The following RBFOX1 variants were observed in gnomAD, a reference collection of about 807,000 sequenced individuals.
RBFOX1 encodes RNA binding protein fox-1 homolog 1.
A neutral mutation model predicts 57.7 loss-of-function variants in RBFOX1; 8 were observed. That is an observed-to-expected ratio of 0.14 (90% CI 0.08 to 0.25). RBFOX1 has a LOEUF of 0.25. Among genes scored for constraint, RBFOX1 ranks in the 10% least tolerant of loss-of-function variants. RBFOX1 has a pLI of 1.00. For synonymous variants in RBFOX1, 326 were observed against 222.4 expected, an observed-to-expected ratio of 1.47 and a Z score of -4.15; for missense variants, 611 against 548.5, an observed-to-expected ratio of 1.11 and a Z score of -1.14.
rs181807075 is a variant in RBFOX1, at chr16:5,813,561, G to A, written c.319-53742G>A. 4.2e-3 allele frequency among the ~76,000 whole-genome samples: 639 copies of A among 152,298 alleles called. 7 individuals carry two copies. Among genetic ancestry groups the A allele is most frequent in the South Asian group, 0.011 (51 of 4,824 alleles). On this transcript the variant is annotated intron_variant, in intron 3 of 19. Transcript: ENST00000641259. The stretch of plus-strand genomic sequence containing the variant: ...TCACTGCAAGAAGCCAGGCATAAAA[G>A]GTCACATATTATAAAATTCTGTTTA...
chr16:6,213,306 A>G (rs113308539), intron 1 of RBFOX1, among the ~76,000 whole-genome samples: 211 of 152,254 alleles, frequency 1.4e-3, no homozygotes, highest in African/African-American at 4.8e-3. Context: ...TTGAGGTATC[A>G]GCTCAGCTGA....
At chr16:5,374,948 A>G (rs2065947616) in intron 1 of RBFOX1, among the ~76,000 whole-genome samples, 1 of 152,044 alleles carries the variant, frequency 6.6e-6, no homozygotes, top group Non-Finnish European at 1.5e-5. Flanking sequence ...AGCCTTCTAA[A>G]GAAAATGTTT....
intron 3 of RBFOX1, among the ~76,000 whole-genome samples, chr16:6,826,928 T>C (rs2092224656): frequency 6.6e-6 from 1 of 152,172 alleles, no homozygotes; most frequent in Non-Finnish European, 1.5e-5. Context: ...GTTCCATTTT[T>C]TGTGCAAATG....
intron 4 of RBFOX1, among the ~76,000 whole-genome samples, chr16:5,932,267 G>A (rs1433443308): frequency 6.6e-6 from 1 of 152,228 alleles, no homozygotes; most frequent in Non-Finnish European, 1.5e-5. Flanking sequence ...TTTAAAGATG[G>A]AAGGGCCGTG....
chr16:6,168,654 C>A (rs960394266), intron 1 of RBFOX1, among the ~76,000 whole-genome samples: 1 of 152,108 alleles, frequency 6.6e-6, no homozygotes, highest in Non-Finnish European at 1.5e-5. Flanking sequence ...CTGATACCTG[C>A]AATACTTTGT....
At chr16:6,880,891 T>G (rs1322502541) in intron 3 of RBFOX1, among the ~76,000 whole-genome samples, 1 of 152,194 alleles carries the variant, frequency 6.6e-6, no homozygotes, top group African/African-American at 2.4e-5. Context: ...AATAAGCTAC[T>G]TGAAGCTGTT....
chr16:5,799,434 G>A (rs2054987995), intron 3 of RBFOX1, among the ~76,000 whole-genome samples: 1 of 152,250 alleles, frequency 6.6e-6, no homozygotes, highest in East Asian at 1.9e-4. Flanking sequence ...CAGATGTATG[G>A]TCCCCGAATT....
At chr16:6,831,309 T>C (rs1225955215) in intron 3 of RBFOX1, among the ~76,000 whole-genome samples, 1 of 152,184 alleles carries the variant, frequency 6.6e-6, no homozygotes, top group South Asian at 2.1e-4. Flanking sequence ...AGAAACAACT[T>C]CTTGGACTCT....
In RBFOX1 at chr16:7,701,823, A is replaced by C. The variant is rs192287406; in HGVS notation, c.996-7233A>C. 3.9e-5 allele frequency among the ~76,000 whole-genome samples: 6 copies of C among 152,338 alleles called. No homozygotes were observed. The East Asian group carries it at 5.8e-4, about 15-fold the overall frequency. The stretch of plus-strand genomic sequence containing the variant: ...AACTCAGTTGACCCTTGTAGAGTGA[A>C]AGTGAACAGGAACATTTCCTAGATA... On this transcript the variant is annotated intron_variant, in intron 14 of 15. Coordinates refer to ENST00000550418, the MANE Select transcript of RBFOX1 (RefSeq NM_018723.4).
intron 3 of RBFOX1, among the ~76,000 whole-genome samples, chr16:5,751,126 A>G (rs2053183983): frequency 6.6e-6 from 1 of 152,162 alleles, no homozygotes; most frequent in Admixed American, 6.5e-5. Context: ...TACAGGCATG[A>G]GCCATCGTGC....
At chr16:5,804,028 A>G (rs2055148421) in intron 3 of RBFOX1, among the ~76,000 whole-genome samples, 2 of 151,974 alleles carry the variant, frequency 1.3e-5, no homozygotes, top group South Asian at 2.1e-4. Flanking sequence ...TTGCCACAGT[A>G]TTAAAGATGG....
Position 5,926,992 on chromosome 16 carries a change from G to C in RBFOX1, c.351+59657G>C, listed in dbSNP as rs145495323. On this transcript the variant is annotated intron_variant, in intron 4 of 19. Transcript: ENST00000641259. ...ATCCACAGTCTTAGCCATCAAACCA[G>C]TGTCCCAAAATGTACTTTTCCACAA... Among the ~76,000 whole-genome samples, 729 of 152,254 alleles carry C rather than the reference G, an allele frequency of 4.8e-3. 16 individuals carry two copies. The highest frequency in any genetic ancestry group is 0.043 in the Admixed American group (651 of 15,288).
chr16:7,333,078 G>C (rs750293427), intron 4 of RBFOX1: 1 of 1,613,732 alleles, frequency 6.2e-7, no homozygotes, highest in South Asian at 1.1e-5. Context: ...TACCTTCCTG[G>C]ACTGATTCAG....
chr16:5,963,296 A>G (rs1044783560), intron 4 of RBFOX1, among the ~76,000 whole-genome samples: 1 of 152,178 alleles, frequency 6.6e-6, no homozygotes. Context: ...GAGCTGGTCC[A>G]AGGTGATAGA....
chr16:6,415,112 A>T (rs2093584754), intron 2 of RBFOX1, among the ~76,000 whole-genome samples: 1 of 151,274 alleles, frequency 6.6e-6, no homozygotes, highest in Non-Finnish European at 1.5e-5. Flanking sequence ...GCGTGGTGGC[A>T]TGTGTCTGTA....
At chr16:5,836,488 CCTT>C (rs1430013428) in intron 3 of RBFOX1, among the ~76,000 whole-genome samples, 5 of 152,190 alleles carry the variant, frequency 3.3e-5, no homozygotes, top group African/African-American at 1.2e-4. Context: ...CCATGACCCA[CCTT>C]CTTCTTTAGG....
At chr16:7,278,875 T>G (rs954224361) in intron 4 of RBFOX1, among the ~76,000 whole-genome samples, 1 of 152,196 alleles carries the variant, frequency 6.6e-6, no homozygotes, top group Non-Finnish European at 1.5e-5. Flanking sequence ...TAAATTTATC[T>G]TGTCGAAAGG....
intron 3 of RBFOX1, among the ~76,000 whole-genome samples, chr16:6,897,323 A>C (rs1191573919): frequency 6.6e-6 from 1 of 152,206 alleles, no homozygotes; most frequent in African/African-American, 2.4e-5. Flanking sequence ...GAATCGCTTG[A>C]ACCCAGGAGG....
chr16:6,928,526 CTA>C (rs2076007898), intron 3 of RBFOX1, among the ~76,000 whole-genome samples: 1 of 152,082 alleles, frequency 6.6e-6, no homozygotes, highest in African/African-American at 2.4e-5. Flanking sequence ...CTTGTCTTCT[CTA>C]ATCGTTTTAT....
Sources: gnomAD v4.1 joint callset for allele counts (sites outside exome capture counted in the v4.1 genomes callset) on GRCh38, gnomAD v4.1.1 for gene constraint, MANE v1.5 for transcripts, NCBI Gene and HGNC (gene_info 2026-07-23, HGNC 2026-07-21) for gene names.